The following PCSK2 variants were observed in gnomAD, a reference collection of about 807,000 sequenced individuals.
The protein encoded by PCSK2 is proprotein convertase subtilisin/kexin type 2, also known as neuroendocrine convertase 2.
PCSK2 carries 14 observed loss-of-function variants against 69.7 expected under a neutral mutation model. The ratio of observed to expected loss-of-function variants is 0.20; its 90% CI spans 0.13 to 0.31. PCSK2 has a LOEUF of 0.31. Ranked by LOEUF, PCSK2 falls within the 10% of genes least tolerant of loss-of-function variation. PCSK2 has a pLI of 1.00. For missense variants in PCSK2, 544 were observed against 842.5 expected, an observed-to-expected ratio of 0.65 and a Z score of 4.39; for synonymous variants, 307 against 320.7, an observed-to-expected ratio of 0.96 and a Z score of 0.46.
chr20:17,256,404 C>T (rs1268268422), intron 1 of PCSK2, among the ~76,000 whole-genome samples: 1 of 151,958 alleles, frequency 6.6e-6, no homozygotes, highest in Non-Finnish European at 1.5e-5. Context: ...TCTGGGCTTC[C>T]TCAGAGAGTT....
At chr20:17,371,310 T>C (rs371697751) in intron 5 of PCSK2, among the ~76,000 whole-genome samples, 46 of 152,296 alleles carry the variant, frequency 3.0e-4, no homozygotes, top group East Asian at 1.7e-3. Flanking sequence ...TAGTCATTCA[T>C]TGGGGGCAAG....
chr20:17,373,387 G>C (rs115017087), intron 5 of PCSK2, among the ~76,000 whole-genome samples: 385 of 152,262 alleles, frequency 2.5e-3, no homozygotes, highest in African/African-American at 9.0e-3. Context: ...GTCAGTCATT[G>C]GTTGAGGGCT....
At position 17,409,302 on chromosome 20, in the gene PCSK2, T is replaced by C. The variant is rs763835597; in HGVS notation, c.583T>C (p.Tyr195His). 8.1e-6 allele frequency: 13 copies of C among 1,613,974 alleles called. No homozygotes were observed. Among genetic ancestry groups the C allele is most frequent in the Non-Finnish European group, 1.1e-5 (13 of 1,179,848 alleles). ...ASYDFSSNDP[Y>H]PYPRYTDDWF... ...TTACGACTTCAGCAGCAACGACCCC[T>C]ATCCTTACCCTCGGTACACAGATGA... Residue 195 changes from tyrosine to histidine, a missense_variant, in exon 6 of 12, where the codon TAT (tyrosine) becomes CAT (histidine). Tyr to His is a moderately conservative substitution (Grantham distance 83, BLOSUM62 2). Around this residue, in one of 3 missense-constraint regions of PCSK2, gnomAD observed 187 missense variants for 399.8 expected, o/e 0.47. Transcript: ENST00000262545.
chr20:17,358,383 C>T lies in PCSK2; in HGVS notation c.339C>T (p.Asp113=), dbSNP rs773450973. The part of the protein sequence containing the change: ...GFDRKKRGYR[D]INEIDINMND... ...ACCGAAAAAAGCGAGGTTACAGAGA[C>T]ATCAATGAGATCGACATCAACATGA... is the stretch of plus-strand genomic sequence containing the variant. Residue 113 remains aspartate, a synonymous_variant, in exon 3 of 12, where the codon GAC becomes GAT. Coordinates refer to ENST00000262545, the MANE Select transcript of PCSK2 (RefSeq NM_002594.5). 3 of 1,613,186 alleles carry T rather than the reference C, an allele frequency of 1.9e-6. No individual in the cohort carries two copies. The highest frequency in any genetic ancestry group is 1.7e-4 in the Middle Eastern group (1 of 6,060).
intron 4 of PCSK2, among the ~76,000 whole-genome samples, chr20:17,362,771 C>T (rs1360868289): frequency 4.6e-5 from 7 of 152,228 alleles, no homozygotes; most frequent in Admixed American, 4.6e-4. Flanking sequence ...AGGAAATAAA[C>T]TCTGAATTTG....
intron 2 of PCSK2, among the ~76,000 whole-genome samples, chr20:17,283,285 T>C (rs1988387680): frequency 6.6e-6 from 1 of 152,184 alleles, no homozygotes; most frequent in African/African-American, 2.4e-5. Flanking sequence ...ATTAGCTAAA[T>C]TCTGTAGAAA....
chr20:17,244,421 C>T (rs182542759), intron 1 of PCSK2, among the ~76,000 whole-genome samples: 361 of 152,274 alleles, frequency 2.4e-3, no homozygotes, highest in Non-Finnish European at 3.2e-3. Flanking sequence ...GTGACCACAT[C>T]CACATAATTC....
chr20:17,362,694 G>A (rs2030440937), intron 4 of PCSK2, among the ~76,000 whole-genome samples: 1 of 152,202 alleles, frequency 6.6e-6, no homozygotes, highest in Non-Finnish European at 1.5e-5. Context: ...GACCTGGAAT[G>A]GGCACCGGTA....
intron 5 of PCSK2, among the ~76,000 whole-genome samples, chr20:17,389,932 C>A (rs1224653306): frequency 6.6e-6 from 1 of 151,988 alleles, no homozygotes; most frequent in South Asian, 2.1e-4. Flanking sequence ...TCAAGAGAAA[C>A]AAAAAGGTAT....
chr20:17,379,830 G>A (rs536826981), intron 5 of PCSK2, among the ~76,000 whole-genome samples: 2 of 152,310 alleles, frequency 1.3e-5, no homozygotes, highest in South Asian at 4.1e-4. Context: ...TATCCTGGGT[G>A]GGCCTGAACT....
intron 2 of PCSK2, among the ~76,000 whole-genome samples, chr20:17,337,216 A>G (rs1266604986): frequency 4.6e-5 from 7 of 152,250 alleles, no homozygotes; most frequent in Non-Finnish European, 1.0e-4. Context: ...TAAAGGATAC[A>G]GTCCCAGAGA....
At chr20:17,252,071 A>G (rs1333721050) in intron 1 of PCSK2, among the ~76,000 whole-genome samples, 1 of 152,156 alleles carries the variant, frequency 6.6e-6, no homozygotes, top group African/African-American at 2.4e-5. Context: ...GTTCCAGGGA[A>G]CAAGGCACAA....
chr20:17,252,909 T>C (rs964214292), intron 1 of PCSK2, among the ~76,000 whole-genome samples: 2 of 152,208 alleles, frequency 1.3e-5, no homozygotes, highest in Non-Finnish European at 2.9e-5. Context: ...TCAAATAAGA[T>C]GAAACATTTT....
At chr20:17,348,879 G>T (rs183126402) in intron 2 of PCSK2, among the ~76,000 whole-genome samples, 105 of 152,138 alleles carry the variant, frequency 6.9e-4, no homozygotes, top group Non-Finnish European at 1.2e-3. Flanking sequence ...CTGAGGTACT[G>T]GGGGTAAGGA....
At chr20:17,398,613 C>T (rs1337706713) in intron 5 of PCSK2, among the ~76,000 whole-genome samples, 1 of 151,264 alleles carries the variant, frequency 6.6e-6, no homozygotes, top group African/African-American at 2.4e-5. Context: ...CAGGTAATGT[C>T]AGTGCTGCTA....
Position 17,247,285 on chromosome 20 carries a change from G to A in PCSK2, c.178-12955G>A, listed in dbSNP as rs543602817. 3.3e-5 allele frequency among the ~76,000 whole-genome samples: 5 copies of A among 152,268 alleles called. No homozygotes were observed. The South Asian group carries it at 8.3e-4, about 25-fold the overall frequency. On this transcript the variant is annotated intron_variant, in intron 1 of 11. Coordinates refer to ENST00000262545, the MANE Select transcript of PCSK2 (RefSeq NM_002594.5). ...ATGCAATTGAAGGAAATAAAGAACG[G>A]TCTCTGAGAAAGTCAATAAAATGCA...
At chr20:17,270,400 G>C (rs1987815121) in intron 2 of PCSK2, among the ~76,000 whole-genome samples, 1 of 152,054 alleles carries the variant, frequency 6.6e-6, no homozygotes. Flanking sequence ...AAGCTTTATG[G>C]GTTCAGGAGA....
intron 8 of PCSK2, among the ~76,000 whole-genome samples, chr20:17,448,813 A>G (rs974008720): frequency 1.3e-5 from 2 of 152,046 alleles, no homozygotes; most frequent in Non-Finnish European, 2.9e-5. Context: ...GAAACACTGT[A>G]ATCCCACTAA....
chr20:17,242,781 C>T (rs1316282368), intron 1 of PCSK2, among the ~76,000 whole-genome samples: 1 of 152,214 alleles, frequency 6.6e-6, no homozygotes, highest in East Asian at 1.9e-4. Flanking sequence ...ATAATTTAGG[C>T]TCCTCCACTG....
Sources: allele counts gnomAD v4.1 joint callset (sites outside exome capture counted in the v4.1 genomes callset), GRCh38; gene constraint gnomAD v4.1.1; regional missense constraint gnomAD v4.1.1; transcripts MANE v1.5; gene names NCBI Gene and HGNC (gene_info 2026-07-23, HGNC 2026-07-21).